The following MYO16 variants were observed in gnomAD, a reference collection of about 807,000 sequenced individuals.
MYO16 encodes the protein myosin XVI, also known as unconventional myosin-XVI.
A neutral mutation model predicts 205.3 loss-of-function variants in MYO16; 94 were observed. The observed-to-expected ratio is 0.46, with a 90% CI of 0.39 to 0.54. The LOEUF is 0.54. Among genes scored for constraint, MYO16 ranks in the 20% least tolerant of loss-of-function variants. MYO16 has a pLI of 0.00. For missense variants in MYO16, 2,315 were observed against 2,387.5 expected (o/e 0.97, Z 0.63); for synonymous variants, 988 against 954.0 (o/e 1.04, Z -0.66).
intron 20 of MYO16, among the ~76,000 whole-genome samples, chr13:108,980,726 A>C (rs1416507561): frequency 2.6e-5 from 4 of 152,202 alleles, no homozygotes; most frequent in Non-Finnish European, 5.9e-5. Flanking sequence ...GTCTAGTGGA[A>C]AATACATTTT....
chr13:108,730,088 T>C (rs1884472739), intron 4 of MYO16, among the ~76,000 whole-genome samples: 1 of 152,180 alleles, frequency 6.6e-6, no homozygotes, highest in Admixed American at 6.5e-5. Flanking sequence ...ACAGGTAGCA[T>C]ATGATAAGGT....
the MYO16 span, among the ~76,000 whole-genome samples, chr13:108,506,202 C>T: frequency 6.6e-6 from 1 of 151,996 alleles, no homozygotes; most frequent in Non-Finnish European, 1.5e-5. Flanking sequence ...CCAAAAAATG[C>T]CTTTGGAATT....
At chr13:108,546,414 A>C in the MYO16 span, among the ~76,000 whole-genome samples, 2 of 152,214 alleles carry the variant, frequency 1.3e-5, no homozygotes, top group African/African-American at 4.8e-5. Context: ...GCATGTTGGC[A>C]GTTTAAAGTG....
chr13:108,534,430 C>G, the MYO16 span, among the ~76,000 whole-genome samples: 1 of 152,076 alleles, frequency 6.6e-6, no homozygotes, highest in Non-Finnish European at 1.5e-5. Flanking sequence ...CTTGATTGTT[C>G]TTAGGTTTGG....
chr13:108,932,651 A>G (rs966005333), intron 16 of MYO16, among the ~76,000 whole-genome samples: 3 of 152,172 alleles, frequency 2.0e-5, no homozygotes, highest in African/African-American at 7.2e-5. Context: ...TTTCCCACCC[A>G]GTATCTACCC....
At chr13:108,847,569 A>T (rs35805467) in intron 10 of MYO16, among the ~76,000 whole-genome samples, 105,325 of 152,052 alleles carry the variant, frequency 0.69, 37,041 homozygotes, top group Middle Eastern at 0.74. Flanking sequence ...GGAAAATTTT[A>T]AAAAATTAAA....
intron 28 of MYO16, among the ~76,000 whole-genome samples, chr13:109,112,597 A>G (rs1482410483): frequency 1.3e-5 from 2 of 152,090 alleles, no homozygotes; most frequent in African/African-American, 4.8e-5. Context: ...TTCCACTAAA[A>G]ATACAAAATT....
At chr13:108,659,324 A>G in intron 1 of MYO16, 1 of 370,562 alleles carries the variant, frequency 2.7e-6, no homozygotes, top group Non-Finnish European at 5.3e-6. Flanking sequence ...ATACACATAT[A>G]TACACACACA....
At chr13:108,962,872 A>T (rs1052171089) in intron 19 of MYO16, among the ~76,000 whole-genome samples, 1 of 152,262 alleles carries the variant, frequency 6.6e-6, no homozygotes, top group African/African-American at 2.4e-5. Flanking sequence ...TTTATTGGAC[A>T]TATATAAACT....
At chr13:108,590,030 A>G in the MYO16 span, among the ~76,000 whole-genome samples, 1 of 152,234 alleles carries the variant, frequency 6.6e-6, no homozygotes, top group East Asian at 1.9e-4. Context: ...ATATAGGAAT[A>G]AATATTTCAT....
chr13:108,610,918 T>C (rs957038212), intron 1 of MYO16, among the ~76,000 whole-genome samples: 3 of 152,194 alleles, frequency 2.0e-5, no homozygotes, highest in Non-Finnish European at 4.4e-5. Context: ...CGGAAGTTCA[T>C]TTCCAGATGC....
intron 12 of MYO16, among the ~76,000 whole-genome samples, chr13:108,878,411 A>G (rs1462017028): frequency 1.3e-5 from 2 of 152,130 alleles, no homozygotes; most frequent in Non-Finnish European, 2.9e-5. Context: ...CTGGATGGCC[A>G]AACTCCAGGG....
intron 1 of MYO16, among the ~76,000 whole-genome samples, chr13:108,651,079 A>G (rs899070971): frequency 2.0e-5 from 3 of 152,120 alleles, no homozygotes; most frequent in Admixed American, 6.6e-5. Flanking sequence ...TTGAGTGAAG[A>G]TTTGGCACTG....
intron 4 of MYO16, among the ~76,000 whole-genome samples, chr13:108,745,551 C>T (rs1885033681): frequency 6.6e-6 from 1 of 152,122 alleles, no homozygotes; most frequent in African/African-American, 2.4e-5. Flanking sequence ...ACATTAAACA[C>T]AGCCCAGCTA....
intron 7 of MYO16, among the ~76,000 whole-genome samples, chr13:108,815,363 A>G (rs928278849): frequency 6.6e-6 from 1 of 152,172 alleles, no homozygotes; most frequent in Non-Finnish European, 1.5e-5. Context: ...ATTTTCCTGG[A>G]TTCTCTAGAT....
chr13:108,899,813 C>T (rs1286937080), intron 15 of MYO16, among the ~76,000 whole-genome samples: 3 of 152,226 alleles, frequency 2.0e-5, no homozygotes, highest in Non-Finnish European at 4.4e-5. Context: ...AGCCCCTTGC[C>T]ACTCAAATGT....
intron 16 of MYO16, among the ~76,000 whole-genome samples, chr13:108,928,399 T>C (rs1882104427): frequency 6.6e-6 from 1 of 152,228 alleles, no homozygotes; most frequent in African/African-American, 2.4e-5. Context: ...TTATATAGAA[T>C]ATTATATGTT....
chr13:109,012,957 T>G (rs2139492593), intron 22 of MYO16, among the ~76,000 whole-genome samples: 1 of 151,950 alleles, frequency 6.6e-6, no homozygotes, highest in Admixed American at 6.6e-5. Flanking sequence ...CCTTGTTTTT[T>G]TTTTGTTTTT....
chr13:108,695,385 G>A (rs1374554898), intron 2 of MYO16, among the ~76,000 whole-genome samples: 1 of 152,076 alleles, frequency 6.6e-6, no homozygotes, highest in Non-Finnish European at 1.5e-5. Flanking sequence ...TTGGTCTATA[G>A]GTTTATTCTA....
Sources: allele counts gnomAD v4.1 joint callset (sites outside exome capture counted in the v4.1 genomes callset), GRCh38; gene constraint gnomAD v4.1.1; transcripts MANE v1.5; gene names NCBI Gene and HGNC (gene_info 2026-07-23, HGNC 2026-07-21).